Variants in MAK observed in about 807,000 individuals in gnomAD.
The protein encoded by MAK is male germ cell associated kinase, also known as serine/threonine-protein kinase MAK.
MAK carries 65 observed loss-of-function variants against 82.6 expected under a neutral mutation model. That is an observed-to-expected ratio of 0.79 (90% CI 0.64 to 0.97). MAK has a LOEUF of 0.97. MAK is among the 50% of genes least tolerant of loss of function. The pLI is 0.00. For missense variants in MAK, 703 were observed against 780.2 expected (o/e 0.90, Z 1.18); for synonymous variants, 250 against 274.2 (o/e 0.91, Z 0.87).
intron 10 of MAK, among the ~76,000 whole-genome samples, chr6:10,790,013 C>T (rs1774939069): frequency 1.3e-5 from 2 of 152,152 alleles, no homozygotes; most frequent in African/African-American, 4.8e-5. Flanking sequence ...GGTGAAACTG[C>T]AGATTCAGGG....
At position 10,764,730 on chromosome 6, in the gene MAK, ACT is replaced by A. The variant is rs1056548955; in HGVS notation, c.1793-126_1793-125del. 1.0e-4 allele frequency: 98 copies of A among 976,552 alleles called. No homozygotes were observed. In the African/African-American group the frequency reaches 1.3e-3, roughly 13 times the overall value. 60.5% of individuals were successfully genotyped at this position (976,552 alleles called of 1,614,324 possible). On this transcript the variant is annotated intron_variant, in intron 14 of 14. Coordinates refer to ENST00000354489, the MANE Select transcript of MAK (RefSeq NM_001242957.3). ...TTTATGTTTAAAAGATTAACTCAGT[ACT>A]CTCTGAGGCTTTTTAAATGTTAAAA...
chr6:10,802,227 C>T lies in MAK; in HGVS notation c.664-168G>A, dbSNP rs769681533. 291 of 595,232 alleles carry T rather than the reference C, an allele frequency of 4.9e-4. 1 individual carries two copies. The highest frequency in any genetic ancestry group is 4.9e-4 in the Non-Finnish European group (165 of 338,484). 36.9% of individuals were successfully genotyped at this position (595,232 alleles called of 1,614,324 possible). On this transcript the variant is annotated intron_variant, in intron 7 of 14. Coordinates refer to ENST00000354489, the MANE Select transcript of MAK (RefSeq NM_001242957.3). Reference sequence around the variant, plus strand: ...ACCAGACCACGTCTATAATTTAGTGCTACGACAGTATAGAAAGAACATTAA... The same window carrying T: ...ACCAGACCACGTCTATAATTTAGTGTTACGACAGTATAGAAAGAACATTAA...
At chr6:10,770,608 G>A (rs1772915162) in intron 13 of MAK, among the ~76,000 whole-genome samples, 1 of 152,142 alleles carries the variant, frequency 6.6e-6, no homozygotes, top group East Asian at 1.9e-4. Flanking sequence ...TCTCTGAAGT[G>A]CTCTCTGTGT....
Position 10,784,586 on chromosome 6 carries a change from GA to G in MAK, c.1317-15del, listed in dbSNP as rs145728765. The G allele has an allele frequency of 1.2e-3, 1,903 of 1,614,028 alleles. 21 individuals carry two copies. The African/African-American group carries it at 0.023, about 19-fold the overall frequency. On this transcript the variant is annotated splice_polypyrimidine_tract_variant and intron_variant, in intron 10 of 14. Transcript: ENST00000354489. Reference sequence around the variant, plus strand: ...GGCTCTGGAAGCCTTGAAAGCCAATGAAAGGTAGCATTACAGCACGAACAAC... The same window carrying G: ...GGCTCTGGAAGCCTTGAAAGCCAATGAAGGTAGCATTACAGCACGAACAAC...
At chr6:10,822,148 A>G in intron 2 of MAK, among the ~76,000 whole-genome samples, 1 of 142,716 alleles carries the variant, frequency 7.0e-6, no homozygotes, top group Non-Finnish European at 1.5e-5. Context: ...CTCCGTCTCA[A>G]AAAAAAAAAA....
At chr6:10,801,668 C>A (rs374938388) in intron 8 of MAK, among the ~76,000 whole-genome samples, 4 of 152,156 alleles carry the variant, frequency 2.6e-5, no homozygotes, top group Admixed American at 6.6e-5. Context: ...TTCATTTGAA[C>A]CACAAAACTC....
At chr6:10,771,287 G>T (rs761324447) in intron 13 of MAK, among the ~76,000 whole-genome samples, 1 of 152,166 alleles carries the variant, frequency 6.6e-6, no homozygotes, top group Non-Finnish European at 1.5e-5. Flanking sequence ...AGGTAGAGAG[G>T]TGGATGGTAG....
intron 11 of MAK, among the ~76,000 whole-genome samples, chr6:10,784,063 C>T (rs1774288441): frequency 6.6e-6 from 1 of 151,332 alleles, no homozygotes; most frequent in African/African-American, 2.4e-5. Flanking sequence ...TACACCAGAT[C>T]ATTTAGGAAA....
chr6:10,806,349 G>A (rs372762488), intron 6 of MAK, among the ~76,000 whole-genome samples: 11 of 27,234 alleles, frequency 4.0e-4, no homozygotes, highest in Non-Finnish European at 7.7e-4. Context: ...TTGTTTTTGA[G>A]ACAGAGTCTT....
rs1278500918 is a variant in MAK, at chr6:10,770,195, C to T, written c.1708G>A (p.Gly570Arg). 1.9e-6 allele frequency: 3 copies of T among 1,614,080 alleles called. No homozygotes were observed. The Admixed American group carries it at 5.0e-5, about 27-fold the overall frequency. Residue 570 changes from glycine (G) to arginine (R), a missense_variant, in exon 14 of 15, where the codon GGA becomes AGA. Physicochemically the swap from Gly to Arg is moderately radical, Grantham distance 125 (BLOSUM62 -2). Coordinates refer to ENST00000354489, the MANE Select transcript of MAK (RefSeq NM_001242957.3). ...LGSYATYNQS[G>R]YIPSFLKKEV... ...TTTTTGAGAAAGGAAGGAATATATC[C>T]TGACTGATTGTAAGTAGCATAACTT...
intron 2 of MAK, among the ~76,000 whole-genome samples, chr6:10,828,534 A>C (rs1778546622): frequency 6.6e-6 from 1 of 152,188 alleles, no homozygotes; most frequent in African/African-American, 2.4e-5. Flanking sequence ...AAGGTAATTA[A>C]GTTTAAGTGA....
At chr6:10,819,878 G>A (rs1305756892) in intron 2 of MAK, among the ~76,000 whole-genome samples, 5 of 151,910 alleles carry the variant, frequency 3.3e-5, no homozygotes, top group East Asian at 3.9e-4. Context: ...TTTGGGAGGC[G>A]GAGGCGGGTG....
chr6:10,773,921 G>A (rs944460407), intron 12 of MAK, among the ~76,000 whole-genome samples: 5 of 151,864 alleles, frequency 3.3e-5, no homozygotes, highest in East Asian at 1.9e-4. Context: ...GGCGGGTCTC[G>A]AACTCCGGAC....
chr6:10,802,211 C>T (rs1280609340), intron 7 of MAK, 152 bp from the exon 8 acceptor site: 2 of 623,224 alleles, frequency 3.2e-6, no homozygotes, highest in African/African-American at 1.8e-5. Context: ...TACCAGACCA[C>T]GTCTATAATT....
At chr6:10,813,011 C>T (rs1209076267) in intron 5 of MAK, among the ~76,000 whole-genome samples, 2 of 140,972 alleles carry the variant, frequency 1.4e-5, no homozygotes, top group East Asian at 4.1e-4. Flanking sequence ...GTGATCCCCC[C>T]CCCCGCCTCG....
chr6:10,818,371 T>C (rs768835792), intron 3 of MAK, among the ~76,000 whole-genome samples: 1 of 152,218 alleles, frequency 6.6e-6, no homozygotes, highest in Non-Finnish European at 1.5e-5. Context: ...CCCAGCACTT[T>C]GGGAGGCTGA....
chr6:10,801,980 G>A lies in MAK; in HGVS notation c.743C>T (p.Thr248Ile). Reference protein sequence around the residue: ...FPQCVPINLKTLIPNASNEAI... With the variant: ...FPQCVPINLKILIPNASNEAI... ...TTCATTACTGGCATTGGGAATAAGAGTTTTTAAGTTTATAGGAACACACTG... is the reference window on the plus strand; with the variant it reads ...TTCATTACTGGCATTGGGAATAAGAATTTTTAAGTTTATAGGAACACACTG... Residue 248 changes from threonine to isoleucine, a missense_variant, in exon 8 of 15, where the codon ACT becomes ATT. Physicochemically the swap from Thr to Ile is moderately conservative, Grantham distance 89 (BLOSUM62 -1). Transcript: ENST00000354489. 2 of 1,614,148 alleles carry A rather than the reference G, an allele frequency of 1.2e-6. No individual in the cohort carries two copies. Among genetic ancestry groups the A allele is most frequent in the Non-Finnish European group, 1.7e-6 (2 of 1,180,004 alleles).
chr6:10,764,660 C>CA, intron 14 of MAK, 54 bp from the exon 15 acceptor site: 1 of 1,496,460 alleles, frequency 6.7e-7, no homozygotes, highest in Non-Finnish European at 9.3e-7. Flanking sequence ...TTATCAAACT[C>CA]AAAATAAAGA....
rs867492500 is a variant in MAK, at chr6:10,795,917, C to T, written c.1143+81G>A. The stretch of plus-strand genomic sequence containing the variant: ...GAAAAATCTTTTATATCTTTTCCAA[C>T]ATTATTAGAAATGCCTCGAAAAAAA... On this transcript the variant is annotated intron_variant, in intron 9 of 14. Transcript: ENST00000354489. 4.1e-6 allele frequency: 6 copies of T among 1,453,414 alleles called. 1 individual carries two copies. The Middle Eastern group carries it at 1.0e-3, about 253-fold the overall frequency. The allele number at this position is 1,453,414 out of a possible 1,614,324, so 90.0% of individuals were successfully genotyped here. A position where few individuals can be genotyped will look rare whatever the true frequency, so the allele number is the denominator to read the frequency against.
Sources: gnomAD v4.1 joint callset for allele counts (sites outside exome capture counted in the v4.1 genomes callset) on GRCh38, gnomAD v4.1.1 for gene constraint, MANE v1.5 for transcripts, NCBI Gene and HGNC (gene_info 2026-07-23, HGNC 2026-07-21) for gene names.